Variants in CSNK1D observed in about 807,000 individuals in gnomAD.
CSNK1D encodes casein kinase 1 delta.
A neutral mutation model predicts 46.6 loss-of-function variants in CSNK1D; 16 were observed. The ratio of observed to expected loss-of-function variants is 0.34; its 90% CI spans 0.23 to 0.52. The LOEUF is 0.52. Among genes scored for constraint, CSNK1D ranks in the 20% least tolerant of loss-of-function variants. The pLI, the probability that CSNK1D is intolerant of heterozygous loss-of-function variation, is 0.95. For missense variants in CSNK1D, 398 were observed against 578.4 expected (o/e 0.69, Z 3.20); for synonymous variants, 276 against 228.2 (o/e 1.21, Z -1.89).
At position 82,273,199 on chromosome 17, in the gene CSNK1D, G is replaced by C; in HGVS notation, c.76+107C>G. ...CCACGATCCGGCGGTGCCGGGACTT[G>C]CGCGGAGACCCCGCGGGGGCCACCA... On this transcript the variant is annotated intron_variant, in intron 1 of 8. Transcript: ENST00000314028. This position sits in a 1 kb window ranked among gnomAD's most constrained non-coding sequence, Gnocchi z 5.1. The C allele has an allele frequency of 4.3e-6, 5 of 1,171,280 alleles. No homozygotes were observed. Among genetic ancestry groups the C allele is most frequent in the Non-Finnish European group, 6.0e-6 (5 of 827,872 alleles). The allele number at this position is 1,171,280 out of a possible 1,614,324, so 72.6% of individuals were successfully genotyped here. A position where few individuals can be genotyped will look rare whatever the true frequency, so the allele number is the denominator to read the frequency against.
At position 82,249,578 on chromosome 17, in the gene CSNK1D, C is replaced by T. The variant is rs71375089; in HGVS notation, c.910G>A (p.Ala304Thr). The change falls in exon 7 of 9, where the codon GCC (alanine) becomes ACC (threonine). Residue 304 changes from alanine to threonine, a missense_variant. Around this residue, in one of 2 missense-constraint regions of CSNK1D, gnomAD observed 181 missense variants for 208.0 expected, o/e 0.87. Coordinates refer to ENST00000314028, the MANE Select transcript of CSNK1D (RefSeq NM_001893.6). The surrounding 1 kb of genome is among the most constrained non-coding windows in gnomAD (Gnocchi z 6.7). ...TCTCGGTCCCTGCGCTCCCGCTCGG[C>T]GTCATCGGCGGCCCGGCTGGCACCC... ...KFGASRAADD[A>T]ERERRDREER... is the part of the protein sequence containing the mutation. 3,236 of 1,559,244 alleles carry T rather than the reference C, an allele frequency of 2.1e-3. 4 individuals are homozygous for T. The highest frequency in any genetic ancestry group is 2.5e-3 in the Non-Finnish European group (2,924 of 1,155,936).
In CSNK1D at chr17:82,249,064, C is replaced by CA; in HGVS notation, c.1058-51dup. ...TGGGCCGCCCCCGTCTGCTGCCTCT[C>CA]ACTCGGGGCTTTCTATGAGAGGCTG... On this transcript the variant is annotated intron_variant, in intron 7 of 8. Transcript: ENST00000314028. This position sits in a 1 kb window ranked among gnomAD's most constrained non-coding sequence, Gnocchi z 6.7. 10 of 1,540,494 alleles carry CA rather than the reference C, an allele frequency of 6.5e-6. No homozygotes were observed. The highest frequency in any genetic ancestry group is 8.8e-6 in the Non-Finnish European group (10 of 1,141,048).
intron 8 of CSNK1D, chr17:82,245,614 G>A (rs563927013): frequency 4.9e-4 from 165 of 334,854 alleles, no homozygotes; most frequent in African/African-American, 3.0e-3. Flanking sequence ...ACGGCCGACC[G>A]CAGACAAGGC....
downstream of CSNK1D, among the ~76,000 whole-genome samples, chr17:82,241,024 C>T (rs1359268119): frequency 6.6e-6 from 1 of 151,964 alleles, no homozygotes; most frequent in Non-Finnish European, 1.5e-5. Context: ...CCCCCAACCC[C>T]GGCGACAGAT....
At chr17:82,267,523 G>C (rs2051508569) in intron 1 of CSNK1D, among the ~76,000 whole-genome samples, 3 of 152,160 alleles carry the variant, frequency 2.0e-5, no homozygotes, top group Admixed American at 1.3e-4. Context: ...GTCACCGCCA[G>C]TGACCATTCT....
rs2051047107 is a variant in CSNK1D, at chr17:82,252,794, T to C, written c.566-190A>G. On this transcript the variant is annotated intron_variant, in intron 4 of 8. Transcript: ENST00000314028. The surrounding 1 kb of genome is among the most constrained non-coding windows in gnomAD (Gnocchi z 4.6). ...CACTCTCACCCAGAGCTGCCCCTCA[T>C]GCATACTAAGGAAATTCCCAAACAC... 6.6e-6 allele frequency among the ~76,000 whole-genome samples: 1 copy of C among 152,030 alleles called. No individual in the cohort carries two copies. The highest frequency in any genetic ancestry group is 2.1e-4 in the South Asian group (1 of 4,834).
At chr17:82,239,664 C>T, downstream of CSNK1D, 1 of 312,322 alleles carries the variant, frequency 3.2e-6, no homozygotes, top group Non-Finnish European at 5.8e-6. Flanking sequence ...CTGGAGGCCG[C>T]TGTGCCAGGG....
rs1277829453 is a variant in CSNK1D, at chr17:82,251,489, G to A, written c.775C>T (p.Arg259Cys). ...ATYLNFCRSL[R>C]FDDKPDYSYL... ...GAGTAGTCAGGCTTGTCGTCAAAAC[G>A]CAAGGAACGGCAGAAATTCAGGTAT... Residue 259 changes from arginine (R) to cysteine (C), a missense_variant, in exon 6 of 9, where the codon CGT becomes TGT. Coordinates refer to ENST00000314028, the MANE Select transcript of CSNK1D (RefSeq NM_001893.6). The surrounding 1 kb of genome is among the most constrained non-coding windows in gnomAD (Gnocchi z 4.5). The A allele has an allele frequency of 2.3e-5, 37 of 1,613,980 alleles. No individual in the cohort carries two copies. Among genetic ancestry groups the A allele is most frequent in the Non-Finnish European group, 2.9e-5 (34 of 1,180,026 alleles).
At chr17:82,267,348 G>C (rs1221360412) in intron 1 of CSNK1D, among the ~76,000 whole-genome samples, 1 of 152,198 alleles carries the variant, frequency 6.6e-6, no homozygotes, top group Non-Finnish European at 1.5e-5. Context: ...ATGAAAAGCA[G>C]AGTAAGGTCA....
intron 2 of CSNK1D, among the ~76,000 whole-genome samples, chr17:82,263,573 A>T (rs2051393721): frequency 1.3e-5 from 2 of 152,244 alleles, no homozygotes; most frequent in African/African-American, 4.8e-5. Context: ...CGAGTGGAGA[A>T]GTCCTGTCCG....
rs958524720 is a variant in CSNK1D at position 82,249,836 on chromosome 17, C to T, written c.886-234G>A. 34 of 1,430,216 alleles carry T rather than the reference C, an allele frequency of 2.4e-5. No homozygotes were observed. The South Asian group carries it at 4.8e-4, about 20-fold the overall frequency. The allele number at this position is 1,430,216 out of a possible 1,614,324, so 88.6% of individuals were successfully genotyped here. ...CCAACAATCGAAAAAACCCCACTCG[C>T]CATGGCATCTCCCTGTGGGCTCAGA... On this transcript the variant is annotated intron_variant, in intron 6 of 8. Transcript: ENST00000314028. This position sits in a 1 kb window ranked among gnomAD's most constrained non-coding sequence, Gnocchi z 6.7.
At chr17:82,271,724 G>A (rs1247960787) in intron 1 of CSNK1D, among the ~76,000 whole-genome samples, 1 of 152,222 alleles carries the variant, frequency 6.6e-6, no homozygotes, top group Non-Finnish European at 1.5e-5. Flanking sequence ...TCGTCCTAAC[G>A]CTGTCAGCCC....
At chr17:82,264,855 T>C (rs1187409977) in intron 2 of CSNK1D, among the ~76,000 whole-genome samples, 1 of 150,568 alleles carries the variant, frequency 6.6e-6, no homozygotes, top group African/African-American at 2.5e-5. Context: ...TGGACTGCAG[T>C]GGCGCTATCT....
At chr17:82,245,850 G>A (rs954688720) in intron 8 of CSNK1D, 8 of 962,768 alleles carry the variant, frequency 8.3e-6, no homozygotes, top group African/African-American at 3.2e-5. Flanking sequence ...CAGAGCAGAA[G>A]AAGCCTCACT....
chr17:82,268,901 C>A (rs1443653369), intron 1 of CSNK1D, among the ~76,000 whole-genome samples: 1 of 151,956 alleles, frequency 6.6e-6, no homozygotes, highest in African/African-American at 2.4e-5. Context: ...CGAGACCAGC[C>A]TGGCCCACAT....
intron 1 of CSNK1D, among the ~76,000 whole-genome samples, chr17:82,269,513 G>A (rs1033444524): frequency 6.6e-6 from 1 of 152,202 alleles, no homozygotes; most frequent in Non-Finnish European, 1.5e-5. Flanking sequence ...GGGGAAAAAC[G>A]TGTGCTTCAG....
intron 8 of CSNK1D, chr17:82,246,198 C>G (rs978129540): frequency 7.5e-5 from 115 of 1,529,886 alleles, no homozygotes; most frequent in Non-Finnish European, 7.0e-6. Flanking sequence ...CCTCACTTGC[C>G]TCTCAGGACG....
At chr17:82,259,041 C>T (rs956169196) in intron 2 of CSNK1D, among the ~76,000 whole-genome samples, 7 of 152,218 alleles carry the variant, frequency 4.6e-5, no homozygotes, top group African/African-American at 1.7e-4. Context: ...TCGATGGGAA[C>T]GTCATTGAAT....
In CSNK1D at chr17:82,269,359, T is replaced by C. The variant is rs139246357; in HGVS notation, c.77-3563A>G. On this transcript the variant is annotated intron_variant, in intron 1 of 8. Coordinates refer to ENST00000314028, the MANE Select transcript of CSNK1D (RefSeq NM_001893.6). ...AGGAGAGTCCAAGGTCAACAGAGGC[T>C]ACAGCCCTAACACTGCAGTGAGGAG... 2.9e-3 allele frequency among the ~76,000 whole-genome samples: 447 copies of C among 152,206 alleles called. 1 individual carries two copies. Among genetic ancestry groups the C allele is most frequent in the Middle Eastern group, 6.8e-3 (2 of 294 alleles).
Sources: gnomAD v4.1 joint callset for allele counts (sites outside exome capture counted in the v4.1 genomes callset) on GRCh38, gnomAD v4.1.1 for gene constraint, gnomAD v4.1.1 regional missense constraint, Gnocchi (gnomAD v3.1) non-coding constraint, MANE v1.5 for transcripts, NCBI Gene and HGNC (gene_info 2026-07-23, HGNC 2026-07-21) for gene names.